DSCAML1: variants seen among roughly 807,000 people sequenced by gnomAD.
DSCAML1 encodes DS cell adhesion molecule like 1, also known as cell adhesion molecule DSCAML1.
Under a neutral mutation model 200.5 loss-of-function variants are expected in DSCAML1, and 38 were observed. The observed-to-expected ratio is 0.19, with a 90% CI of 0.15 to 0.25. The LOEUF (loss-of-function observed/expected upper bound fraction) is 0.25. DSCAML1 is among the 10% of genes least tolerant of loss of function. The pLI is 1.00. For synonymous variants in DSCAML1, 1,215 were observed against 1,165.0 expected (o/e 1.04, Z -0.87); for missense variants, 2,223 against 2,858.8 (o/e 0.78, Z 5.07).
intron 3 of DSCAML1, among the ~76,000 whole-genome samples, chr11:117,575,122 C>T (rs139244034): frequency 9.5e-4 from 145 of 152,238 alleles, no homozygotes; most frequent in African/African-American, 3.3e-3. Context: ...ACCCAGGAGG[C>T]GGAGGTTGCA....
chr11:117,562,208 A>C (rs1382913749), intron 3 of DSCAML1, among the ~76,000 whole-genome samples: 1 of 152,168 alleles, frequency 6.6e-6, no homozygotes, highest in Non-Finnish European at 1.5e-5. Flanking sequence ...CTGTCCTGCC[A>C]TGTGGAGTCT....
intron 3 of DSCAML1, among the ~76,000 whole-genome samples, chr11:117,768,061 C>T (rs931719364): frequency 6.6e-6 from 1 of 152,092 alleles, no homozygotes; most frequent in Admixed American, 6.5e-5. Flanking sequence ...TTTTGAGGAG[C>T]CAGTGACATC....
intron 1 of DSCAML1, among the ~76,000 whole-genome samples, chr11:117,795,795 C>T (rs970222883): frequency 5.3e-5 from 8 of 152,182 alleles, no homozygotes; most frequent in Non-Finnish European, 4.4e-5. Flanking sequence ...CCTGGAGCAC[C>T]GGCAGGGCAG....
intron 11 of DSCAML1, among the ~76,000 whole-genome samples, chr11:117,495,309 C>G (rs563056639): frequency 1.3e-5 from 2 of 152,322 alleles, no homozygotes; most frequent in East Asian, 3.9e-4. Flanking sequence ...GCACCTGGCT[C>G]AAGCTCTTTG....
At chr11:117,681,874 C>A (rs1253777744) in intron 3 of DSCAML1, among the ~76,000 whole-genome samples, 2 of 152,214 alleles carry the variant, frequency 1.3e-5, no homozygotes, top group African/African-American at 4.8e-5. Context: ...TCCGTTAATA[C>A]CACTACAGAC....
chr11:117,438,850 C>T, intron 24 of DSCAML1, 35 bp downstream of exon 24: 2 of 1,491,418 alleles, frequency 1.3e-6, no homozygotes, highest in South Asian at 1.4e-5. Context: ...AGAATTCCTT[C>T]CCCTATCTTC....
intron 14 of DSCAML1, 56 bp from the exon 15 acceptor site, chr11:117,472,092 C>T: frequency 6.3e-7 from 1 of 1,597,768 alleles, no homozygotes; most frequent in Non-Finnish European, 8.6e-7. Flanking sequence ...GGACCCCTTC[C>T]CAGCCTGAAG....
intron 3 of DSCAML1, among the ~76,000 whole-genome samples, chr11:117,754,718 G>C (rs2054658635): frequency 6.6e-6 from 1 of 152,076 alleles, no homozygotes; most frequent in Non-Finnish European, 1.5e-5. Context: ...AGGAGGAGGG[G>C]GAAACAGAGA....
intron 31 of DSCAML1, 96 bp from the exon 32 acceptor site, chr11:117,431,129 G>T: frequency 7.8e-7 from 1 of 1,282,068 alleles, no homozygotes; most frequent in Non-Finnish European, 1.1e-6. Context: ...GCAGCCATCT[G>T]TAAGTCTGGC....
intron 4 of DSCAML1, among the ~76,000 whole-genome samples, chr11:117,529,229 C>T (rs1259304163): frequency 1.3e-5 from 2 of 152,092 alleles, no homozygotes; most frequent in Non-Finnish European, 2.9e-5. Flanking sequence ...AGGTATGTGC[C>T]ACCACACTCG....
At chr11:117,634,369 A>C (rs1489336678) in intron 3 of DSCAML1, among the ~76,000 whole-genome samples, 1 of 152,150 alleles carries the variant, frequency 6.6e-6, no homozygotes, top group African/African-American at 2.4e-5. Context: ...TCACAATGAT[A>C]TACCCTTTCC....
intron 3 of DSCAML1, among the ~76,000 whole-genome samples, chr11:117,748,618 T>C (rs73585236): frequency 1.1e-3 from 170 of 152,282 alleles, no homozygotes; most frequent in African/African-American, 3.8e-3. Context: ...TCAGTCCTCT[T>C]TCGCCTGCAA....
Position 117,516,702 on chromosome 11 carries a change from T to G in DSCAML1, c.1548A>C (p.Ala516=), listed in dbSNP as rs774884060. The G allele has an allele frequency of 1.2e-6, 2 of 1,613,936 alleles. No homozygotes were observed. Among genetic ancestry groups the G allele is most frequent in the Non-Finnish European group, 1.7e-6 (2 of 1,179,958 alleles). The part of the protein sequence containing the change: ...PSIRAMRNIT[A]VAGRDTLINC... ...TGATAAGGGTGTCCCGCCCGGCGAC[T>G]GCTGTGATGTTCCGCATAGCCCGGA... Residue 516 remains alanine, a synonymous_variant, in exon 8 of 33, where the codon GCA becomes GCC. Transcript: ENST00000651296. The surrounding 1 kb of genome is among the most constrained non-coding windows in gnomAD (Gnocchi z 5.7).
intron 3 of DSCAML1, among the ~76,000 whole-genome samples, chr11:117,690,158 C>A (rs2053471394): frequency 1.3e-5 from 2 of 152,200 alleles, no homozygotes; most frequent in Admixed American, 1.3e-4. Context: ...CATTAACTAA[C>A]AAAACTATAA....
In DSCAML1 at chr11:117,516,848, G is replaced by T; in HGVS notation, c.1511-109C>A. The T allele has an allele frequency of 7.4e-7, 1 of 1,355,382 alleles. No individual in the cohort carries two copies. Among genetic ancestry groups the T allele is most frequent in the Non-Finnish European group, 9.9e-7 (1 of 1,009,976 alleles). 84.0% of individuals were successfully genotyped at this position (1,355,382 alleles called of 1,614,324 possible). ...TGCTCTTCTCAGGCACTCGGCCCCT[G>T]AGACTTTCGGGGGCGGACATTTGGT... On this transcript the variant is annotated intron_variant, in intron 7 of 32. Coordinates refer to ENST00000651296, the MANE Select transcript of DSCAML1 (RefSeq NM_020693.4). This position sits in a 1 kb window ranked among gnomAD's most constrained non-coding sequence, Gnocchi z 5.7.
At chr11:117,629,827 T>G (rs10892146) in intron 3 of DSCAML1, among the ~76,000 whole-genome samples, 1 of 151,968 alleles carries the variant, frequency 6.6e-6, no homozygotes, top group Non-Finnish European at 1.5e-5. Context: ...CAAGACCCCA[T>G]CGCTACAAAA....
At chr11:117,718,235 C>A (rs941267435) in intron 3 of DSCAML1, among the ~76,000 whole-genome samples, 3 of 152,234 alleles carry the variant, frequency 2.0e-5, no homozygotes, top group African/African-American at 4.8e-5. Context: ...ATCCCCCACC[C>A]CCCTTCCCGA....
chr11:117,533,643 G>A (rs1189777154), intron 3 of DSCAML1, among the ~76,000 whole-genome samples: 2 of 152,190 alleles, frequency 1.3e-5, no homozygotes, highest in Non-Finnish European at 2.9e-5. Flanking sequence ...CCTAGCAGGA[G>A]AGCAGGAAGC....
Position 117,755,943 on chromosome 11 carries a change from G to A in DSCAML1, c.511+20848C>T, listed in dbSNP as rs117245441. On this transcript the variant is annotated intron_variant, in intron 3 of 32. Coordinates refer to ENST00000651296, the MANE Select transcript of DSCAML1 (RefSeq NM_020693.4). The stretch of plus-strand genomic sequence containing the variant: ...TCAGCAGCAGAGGTCCTTTGTCCTG[G>A]GAGAAGGACGGTTCTGCTGTCGGGT... 4.0e-3 allele frequency among the ~76,000 whole-genome samples: 613 copies of A among 152,278 alleles called. 6 individuals carry two copies. The highest frequency in any genetic ancestry group is 0.037 in the South Asian group (180 of 4,820).
Sources: gnomAD v4.1 joint callset for allele counts (sites outside exome capture counted in the v4.1 genomes callset) on GRCh38, gnomAD v4.1.1 for gene constraint, Gnocchi (gnomAD v3.1) non-coding constraint, MANE v1.5 for transcripts, NCBI Gene and HGNC (gene_info 2026-07-23, HGNC 2026-07-21) for gene names.